The following CELF2 variants were observed in gnomAD, a reference collection of about 807,000 sequenced individuals.
CELF2 encodes the protein CUGBP Elav-like family member 2, also known as CUG triplet repeat RNA-binding protein 2.
A neutral mutation model predicts 62.6 loss-of-function variants in CELF2; 8 were observed. The ratio of observed to expected loss-of-function variants is 0.13; its 90% confidence interval spans 0.07 to 0.23. CELF2 has a LOEUF of 0.23. CELF2 is among the 10% of genes least tolerant of loss of function. CELF2 has a pLI of 1.00. For missense variants in CELF2, 333 were observed against 671.0 expected (o/e 0.50, Z 5.56); for synonymous variants, 258 against 250.0 (o/e 1.03, Z -0.30).
At chr10:10,756,354 G>A in the CELF2 span, among the ~76,000 whole-genome samples, 13 of 152,128 alleles carry the variant, frequency 8.5e-5, no homozygotes, top group Non-Finnish European at 1.3e-4. Context: ...AGTTACTTTT[G>A]CATCAACCTA....
At chr10:10,464,353 C>T in the CELF2 span, among the ~76,000 whole-genome samples, 3 of 152,100 alleles carry the variant, frequency 2.0e-5, no homozygotes, top group East Asian at 5.8e-4. Flanking sequence ...AACTCCTTAG[C>T]GACTTTCCAT....
the CELF2 span, among the ~76,000 whole-genome samples, chr10:10,624,472 T>TCAGTACA: frequency 6.6e-6 from 1 of 152,178 alleles, no homozygotes; most frequent in African/African-American, 2.4e-5. Flanking sequence ...TACAAGCAGT[T>TCAGTACA]AGTAAATCTA....
intron 1 of CELF2, among the ~76,000 whole-genome samples, chr10:10,837,022 G>C (rs1016576571): frequency 1.3e-5 from 2 of 152,134 alleles, no homozygotes; most frequent in Non-Finnish European, 2.9e-5. Flanking sequence ...CTGCACCTTT[G>C]CCTACAAGAA....
chr10:10,667,460 C>G, the CELF2 span, among the ~76,000 whole-genome samples: 1 of 152,268 alleles, frequency 6.6e-6, no homozygotes, highest in South Asian at 2.1e-4. Flanking sequence ...TGTTTTTTAG[C>G]ACAAAAGGCC....
chr10:10,920,165 A>G (rs913797402), intron 2 of CELF2, among the ~76,000 whole-genome samples: 5 of 152,232 alleles, frequency 3.3e-5, no homozygotes, highest in African/African-American at 4.8e-5. Flanking sequence ...CATGCGTCAC[A>G]TATACATGAT....
At chr10:10,801,135 C>T (rs563071749) in intron 1 of CELF2, among the ~76,000 whole-genome samples, 1 of 151,644 alleles carries the variant, frequency 6.6e-6, no homozygotes, top group Non-Finnish European at 1.5e-5. Flanking sequence ...TTAAGTGAAG[C>T]TTAGTTTTGC....
the CELF2 span, among the ~76,000 whole-genome samples, chr10:10,641,831 A>T: frequency 6.6e-6 from 1 of 152,214 alleles, no homozygotes; most frequent in East Asian, 1.9e-4. Flanking sequence ...CATGTTTAAA[A>T]ATGGACAAAA....
At chr10:11,279,189 A>T (rs968130001) in intron 8 of CELF2, among the ~76,000 whole-genome samples, 1 of 152,184 alleles carries the variant, frequency 6.6e-6, no homozygotes, top group Non-Finnish European at 1.5e-5. Flanking sequence ...GTGTCTTTTG[A>T]TGAACGGGAG....
In CELF2 at chr10:11,246,732, T is replaced by C. The variant is rs2075717405; in HGVS notation, c.355-2421T>C. On this transcript the variant is annotated intron_variant, in intron 3 of 12. Transcript: ENST00000633077. This position sits in a 1 kb window ranked among gnomAD's most constrained non-coding sequence, Gnocchi z 4.6. The stretch of plus-strand genomic sequence containing the variant: ...TCTTTCCTGGTATTCTCTGCAGTTC[T>C]GTCCTCGGCTCTCAGCTCTTTGCAC... Among the ~76,000 whole-genome samples, 4 of 152,202 alleles carry C rather than the reference T, an allele frequency of 2.6e-5. No homozygotes were observed. In the South Asian group the frequency reaches 8.3e-4, roughly 32 times the overall value.
intron 1 of CELF2, among the ~76,000 whole-genome samples, chr10:10,904,557 A>C (rs1450972891): frequency 2.0e-5 from 3 of 152,072 alleles, no homozygotes; most frequent in African/African-American, 7.2e-5. Flanking sequence ...ATAGAAGTCT[A>C]CCTCATTCTT....
At chr10:10,780,479 G>A in the CELF2 span, among the ~76,000 whole-genome samples, 3 of 151,876 alleles carry the variant, frequency 2.0e-5, no homozygotes, top group South Asian at 6.3e-4. Flanking sequence ...TTGTTTGTTT[G>A]TTTGTTTGTT....
chr10:10,606,645 T>C, the CELF2 span, among the ~76,000 whole-genome samples: 50 of 152,214 alleles, frequency 3.3e-4, 1 homozygote, highest in Non-Finnish European at 1.2e-4. Flanking sequence ...TAACATGTTC[T>C]AACCAACTGA....
intron 4 of CELF2, among the ~76,000 whole-genome samples, chr10:11,256,931 G>T (rs1158093970): frequency 6.6e-6 from 1 of 151,972 alleles, no homozygotes; most frequent in Non-Finnish European, 1.5e-5. Flanking sequence ...CCGGTGGCTA[G>T]TACAGTATTG....
chr10:10,627,140 C>A, the CELF2 span, among the ~76,000 whole-genome samples: 1 of 152,124 alleles, frequency 6.6e-6, no homozygotes, highest in Non-Finnish European at 1.5e-5. Flanking sequence ...TCCAAAATAC[C>A]CTCATTGTAT....
chr10:10,828,604 TTAA>T (rs2057600320), intron 1 of CELF2, among the ~76,000 whole-genome samples: 1 of 152,214 alleles, frequency 6.6e-6, no homozygotes, highest in Non-Finnish European at 1.5e-5. Flanking sequence ...GTGAGTATAC[TTAA>T]TGATACTAAA....
At chr10:11,298,251 T>TC (rs902399960) in intron 9 of CELF2, among the ~76,000 whole-genome samples, 1 of 151,988 alleles carries the variant, frequency 6.6e-6, no homozygotes, top group Non-Finnish European at 1.5e-5. Flanking sequence ...ACATGTCATC[T>TC]CCCCCTGGGA....
Position 11,266,595 on chromosome 10 carries a change from C to T in CELF2, c.539-3C>T, listed in dbSNP as rs1169841540. 6.2e-7 allele frequency: 1 copy of T among 1,613,374 alleles called. No individual in the cohort carries two copies. Among genetic ancestry groups the T allele is most frequent in the African/African-American group, 1.3e-5 (1 of 74,908 alleles). On this transcript the variant is annotated splice_polypyrimidine_tract_variant and splice_region_variant and intron_variant, in intron 5 of 12. Coordinates refer to ENST00000633077, the MANE Select transcript of CELF2 (RefSeq NM_001326342.2). ...CTGCTCCCTGTCCCCTTGTTTCCCA[C>T]AGGCTGTGCGTTTGTCACATTTTCT...
At chr10:10,510,258 T>C in the CELF2 span, among the ~76,000 whole-genome samples, 1 of 152,198 alleles carries the variant, frequency 6.6e-6, no homozygotes, top group African/African-American at 2.4e-5. Context: ...GAAAATTAGA[T>C]ATTTTCACTA....
At chr10:11,063,697 G>A (rs975407139) in intron 1 of CELF2, among the ~76,000 whole-genome samples, 3 of 152,098 alleles carry the variant, frequency 2.0e-5, no homozygotes, top group East Asian at 1.9e-4. Flanking sequence ...TATTCTTAAC[G>A]TAGATAAGAC....
Sources: allele counts gnomAD v4.1 joint callset (sites outside exome capture counted in the v4.1 genomes callset), GRCh38; gene constraint gnomAD v4.1.1; non-coding constraint Gnocchi (gnomAD v3.1); transcripts MANE v1.5; gene names NCBI Gene and HGNC (gene_info 2026-07-23, HGNC 2026-07-21).